CTNNA2: variants seen among roughly 807,000 people sequenced by gnomAD.
CTNNA2 encodes the protein catenin alpha 2.
CTNNA2 carries 42 observed loss-of-function variants against 101.0 expected under a neutral mutation model. The observed-to-expected ratio is 0.42, with a 90% CI of 0.32 to 0.54. The LOEUF is 0.54. CTNNA2 is among the 20% of genes least tolerant of loss of function. The pLI is 0.14. For missense variants in CTNNA2, 871 were observed against 1,223.1 expected, an observed-to-expected ratio of 0.71 and a Z score of 4.29; for synonymous variants, 450 against 456.4, an observed-to-expected ratio of 0.99 and a Z score of 0.18.
intron 2 of CTNNA2, among the ~76,000 whole-genome samples, chr2:79,705,406 G>T (rs1204541015): frequency 6.6e-6 from 1 of 152,124 alleles, no homozygotes; most frequent in Non-Finnish European, 1.5e-5. Context: ...ATCTGTGACT[G>T]TGCATAATTT....
At chr2:79,995,210 C>A (rs1692460500) in intron 7 of CTNNA2, among the ~76,000 whole-genome samples, 1 of 152,180 alleles carries the variant, frequency 6.6e-6, no homozygotes, top group Non-Finnish European at 1.5e-5. Flanking sequence ...ACTCAGTGTT[C>A]CATTGCATTA....
chr2:80,617,051 A>C (rs1250208417), intron 17 of CTNNA2, among the ~76,000 whole-genome samples: 1 of 151,770 alleles, frequency 6.6e-6, no homozygotes, highest in Admixed American at 6.6e-5. Flanking sequence ...CTCCATTTTT[A>C]TTTTAATATC....
At chr2:80,126,813 C>G (rs1702161859) in intron 7 of CTNNA2, among the ~76,000 whole-genome samples, 1 of 152,086 alleles carries the variant, frequency 6.6e-6, no homozygotes, top group Non-Finnish European at 1.5e-5. Flanking sequence ...TTGTTCTGTT[C>G]TTTCTCTTGC....
chr2:80,330,033 C>T (rs1342405559), intron 7 of CTNNA2, among the ~76,000 whole-genome samples: 2 of 152,238 alleles, frequency 1.3e-5, no homozygotes, highest in African/African-American at 2.4e-5. Context: ...GGAACACTTC[C>T]TTCAACTCCT....
chr2:79,584,740 G>C (rs1378111696), intron 1 of CTNNA2, among the ~76,000 whole-genome samples: 4 of 151,892 alleles, frequency 2.6e-5, no homozygotes, highest in Admixed American at 1.3e-4. Context: ...GGCTGGTCTC[G>C]AACTCCTGAC....
intron 2 of CTNNA2, among the ~76,000 whole-genome samples, chr2:79,257,803 T>TA (rs375111398): frequency 0.38 from 56,306 of 146,702 alleles, 11,236 homozygotes; most frequent in Non-Finnish European, 0.46. Context: ...CTGGTTGGCT[T>TA]AAAAAAAAAA....
chr2:79,842,819 G>A (rs1679929463), intron 3 of CTNNA2, among the ~76,000 whole-genome samples: 1 of 151,864 alleles, frequency 6.6e-6, no homozygotes, highest in Non-Finnish European at 1.5e-5. Context: ...CATTATAAAA[G>A]ACAGCTGTTA....
At chr2:80,314,332 G>T (rs1016844438) in intron 7 of CTNNA2, among the ~76,000 whole-genome samples, 4 of 152,312 alleles carry the variant, frequency 2.6e-5, no homozygotes, top group South Asian at 2.1e-4. Context: ...GTGAGCAAAT[G>T]ATATTGTGAA....
In CTNNA2 at chr2:80,617,593, T is replaced by TG. The variant is rs1698958216; in HGVS notation, c.2431-1492_2431-1491insG. Among the ~76,000 whole-genome samples, 3 of 151,814 alleles carry TG rather than the reference T, an allele frequency of 2.0e-5. No individual in the cohort carries two copies. The South Asian group carries it at 6.2e-4, about 31-fold the overall frequency. On this transcript the variant is annotated intron_variant, in intron 17 of 18. Transcript: ENST00000402739. ...TTTTTTTCTTTTCTATTTACTTTAA[T>TG]TCTTTAAAGACATTCTTTAAATGTC...
At chr2:79,685,057 G>A (rs761986396) in intron 2 of CTNNA2, among the ~76,000 whole-genome samples, 6 of 151,870 alleles carry the variant, frequency 4.0e-5, no homozygotes, top group Non-Finnish European at 7.4e-5. Flanking sequence ...CATATACTTT[G>A]ACCTATGGAA....
intron 9 of CTNNA2, among the ~76,000 whole-genome samples, chr2:80,525,785 T>C (rs1337208730): frequency 6.6e-6 from 1 of 152,150 alleles, no homozygotes; most frequent in Non-Finnish European, 1.5e-5. Flanking sequence ...TGGTGCTCCA[T>C]GATCTGTAAG....
intron 3 of CTNNA2, among the ~76,000 whole-genome samples, chr2:79,774,275 C>A (rs962195090): frequency 6.6e-6 from 1 of 152,190 alleles, no homozygotes; most frequent in South Asian, 2.1e-4. Flanking sequence ...TCTTAACCCC[C>A]TGCTGACAGC....
At position 79,631,569 on chromosome 2, in the gene CTNNA2, T is replaced by G. The variant is rs567494730; in HGVS notation, c.-5-19983T>G. 4.6e-5 allele frequency among the ~76,000 whole-genome samples: 7 copies of G among 152,302 alleles called. No individual in the cohort carries two copies. In the South Asian group the frequency reaches 1.2e-3, roughly 27 times the overall value. ...TGGGGGCATGTCTTTCTTGAATGTT[T>G]AGGAGAATTTTAGGTGGTTTTGTTC... On this transcript the variant is annotated intron_variant, in intron 1 of 18. Coordinates refer to ENST00000402739, the MANE Select transcript of CTNNA2 (RefSeq NM_001282597.3).
chr2:80,547,098 T>C (rs1166358832), intron 11 of CTNNA2, among the ~76,000 whole-genome samples: 2 of 152,218 alleles, frequency 1.3e-5, no homozygotes, highest in East Asian at 3.9e-4. Context: ...GGGGCTGTCA[T>C]GTTTAGAAAA....
At chr2:80,329,323 C>A (rs989970261) in intron 7 of CTNNA2, among the ~76,000 whole-genome samples, 10 of 152,146 alleles carry the variant, frequency 6.6e-5, no homozygotes, top group African/African-American at 2.4e-4. Flanking sequence ...CTGTTATAAA[C>A]ACTTAGAGAA....
chr2:80,474,934 T>C (rs748291818), intron 9 of CTNNA2, among the ~76,000 whole-genome samples: 37 of 152,236 alleles, frequency 2.4e-4, no homozygotes, highest in Non-Finnish European at 4.9e-4. Flanking sequence ...AAACCCAAGA[T>C]GACTTAGCAA....
chr2:80,212,471 A>G (rs937289803), intron 7 of CTNNA2, among the ~76,000 whole-genome samples: 1 of 152,136 alleles, frequency 6.6e-6, no homozygotes, highest in African/African-American at 2.4e-5. Context: ...ATCTATTGAG[A>G]TAATCATGTG....
intron 7 of CTNNA2, among the ~76,000 whole-genome samples, chr2:79,980,693 A>G (rs907000088): frequency 1.3e-5 from 2 of 152,142 alleles, no homozygotes; most frequent in Non-Finnish European, 2.9e-5. Flanking sequence ...TTTGTCTTAC[A>G]CGCATCATAT....
chr2:80,197,497 T>A (rs553271923), intron 7 of CTNNA2, among the ~76,000 whole-genome samples: 2 of 152,312 alleles, frequency 1.3e-5, no homozygotes, highest in South Asian at 2.1e-4. Context: ...CTTACAAGAA[T>A]GGAGATGATA....
Sources: gnomAD v4.1 joint callset for allele counts (sites outside exome capture counted in the v4.1 genomes callset) on GRCh38, gnomAD v4.1.1 for gene constraint, MANE v1.5 for transcripts, NCBI Gene and HGNC (gene_info 2026-07-23, HGNC 2026-07-21) for gene names.